CCND3: variants seen among roughly 807,000 people sequenced by gnomAD.
CCND3 encodes cyclin D3.
CCND3 carries 9 observed loss-of-function variants against 28.7 expected under a neutral mutation model. The observed-to-expected ratio is 0.31, with a 90% CI of 0.19 to 0.55. The LOEUF is 0.55. CCND3 is among the 20% of genes least tolerant of loss of function. The pLI, the probability that CCND3 is intolerant of heterozygous loss-of-function variation, is 0.93. For missense variants in CCND3, 315 were observed against 385.8 expected, an observed-to-expected ratio of 0.82 and a Z score of 1.54; for synonymous variants, 164 against 163.9, an observed-to-expected ratio of 1.00 and a Z score of 0.00.
intron 1 of CCND3, among the ~76,000 whole-genome samples, chr6:42,037,080 A>C (rs1394888319): frequency 6.6e-6 from 1 of 151,946 alleles, no homozygotes; most frequent in African/African-American, 2.4e-5. Context: ...CTGGGACTAA[A>C]GGTGCCCGCC....
chr6:41,962,555 C>T (rs975147052), intron 1 of CCND3, among the ~76,000 whole-genome samples: 24 of 152,096 alleles, frequency 1.6e-4, no homozygotes, highest in African/African-American at 5.6e-4. Context: ...AGTTTGAGAT[C>T]GGACTGCACA....
intron 1 of CCND3, among the ~76,000 whole-genome samples, chr6:41,977,959 G>A (rs1052033279): frequency 6.6e-6 from 1 of 152,090 alleles, no homozygotes; most frequent in African/African-American, 2.4e-5. Context: ...GGAGGCTGAG[G>A]TGGGAGGATC....
At chr6:42,034,336 C>T (rs531974625) in intron 1 of CCND3, among the ~76,000 whole-genome samples, 24 of 151,650 alleles carry the variant, frequency 1.6e-4, no homozygotes, top group African/African-American at 5.6e-4. Context: ...TTAGTAGAGA[C>T]AGGGTTTCGC....
intron 1 of CCND3, among the ~76,000 whole-genome samples, chr6:42,003,429 G>A (rs1257581652): frequency 6.7e-6 from 1 of 149,546 alleles, no homozygotes; most frequent in Admixed American, 6.7e-5. Flanking sequence ...GGAGGCTGAG[G>A]CAGGAGAATC....
chr6:41,961,743 C>T (rs1439004896), intron 1 of CCND3, among the ~76,000 whole-genome samples: 1 of 152,116 alleles, frequency 6.6e-6, no homozygotes, highest in Non-Finnish European at 1.5e-5. Flanking sequence ...GCTCTACCCT[C>T]CACCCCAAAC....
intron 1 of CCND3, among the ~76,000 whole-genome samples, chr6:41,986,225 T>G (rs1762476546): frequency 6.6e-6 from 1 of 152,028 alleles, no homozygotes; most frequent in African/African-American, 2.4e-5. Context: ...GCCTCCAGCT[T>G]TGTTCTTTTT....
intron 1 of CCND3, among the ~76,000 whole-genome samples, chr6:42,011,897 G>A (rs747956945): frequency 6.6e-6 from 1 of 152,156 alleles, no homozygotes; most frequent in African/African-American, 2.4e-5. Flanking sequence ...AAATGTCACA[G>A]GATCATCTCG....
rs548173222 is a variant in CCND3, at chr6:42,021,537, A to G, written c.-46+26964T>C. 1.6e-3 allele frequency among the ~76,000 whole-genome samples: 241 copies of G among 152,344 alleles called. 1 individual carries two copies. The highest frequency in any genetic ancestry group is 2.1e-3 in the Non-Finnish European group (140 of 68,024). On this transcript the variant is annotated intron_variant, in intron 1 of 4. Transcript: ENST00000372988. Reference sequence around the variant, plus strand: ...CCTGTCCTCAAAGAGCTCCTAGTCTAGTAAGGACAATAATAGGTGTTGTTA... The same window carrying G: ...CCTGTCCTCAAAGAGCTCCTAGTCTGGTAAGGACAATAATAGGTGTTGTTA...
Position 41,936,106 on chromosome 6 carries a change from T to C in CCND3, c.713A>G (p.Asp238Gly), listed in dbSNP as rs1357083007. 1.3e-6 allele frequency: 2 copies of C among 1,583,754 alleles called. No individual in the cohort carries two copies. Among genetic ancestry groups the C allele is most frequent in the African/African-American group, 1.4e-5 (1 of 74,062 alleles). Residue 238 changes from aspartate to glycine, a missense_variant and splice_region_variant, in exon 5 of 5, where the codon GAC (aspartate) becomes GGC (glycine). By Grantham distance (94) the Asp-to-Gly change is moderately conservative (BLOSUM62 -1). Coordinates refer to ENST00000372991, the MANE Select transcript of CCND3 (RefSeq NM_001760.5). The surrounding 1 kb of genome is among the most constrained non-coding windows in gnomAD (Gnocchi z 4.4). ...LLAGITGTEV[D>G]CLRACQEQIE... ...CTGCTCCTGACAGGCCCGCAGGCAG[T>C]CCTGGGAACATGGGAGAAGAGTGAG... is the stretch of plus-strand genomic sequence containing the variant.
intron 1 of CCND3, among the ~76,000 whole-genome samples, chr6:41,948,153 C>A (rs1489708735): frequency 6.6e-6 from 1 of 152,000 alleles, no homozygotes. Flanking sequence ...ATTTTTAATG[C>A]CAGCTCCCCA....
intron 1 of CCND3, among the ~76,000 whole-genome samples, chr6:42,046,065 C>T (rs367899133): frequency 2.6e-5 from 4 of 152,202 alleles, no homozygotes; most frequent in African/African-American, 7.2e-5. Context: ...TTCCCACCCT[C>T]GACTCCCAGC....
At chr6:41,959,032 C>T (rs1174475773) in intron 1 of CCND3, among the ~76,000 whole-genome samples, 2 of 152,072 alleles carry the variant, frequency 1.3e-5, no homozygotes, top group African/African-American at 2.4e-5. Flanking sequence ...GTCAGAGGAT[C>T]GGCCGGGCAC....
intron 1 of CCND3, among the ~76,000 whole-genome samples, chr6:41,981,006 C>T (rs1762330512): frequency 6.6e-6 from 1 of 151,962 alleles, no homozygotes; most frequent in African/African-American, 2.4e-5. Context: ...TTTCTTTCAG[C>T]ATTGTACTGG....
At chr6:42,021,692 C>T (rs1485348748) in intron 1 of CCND3, among the ~76,000 whole-genome samples, 9 of 152,018 alleles carry the variant, frequency 5.9e-5, no homozygotes. Context: ...AAAGGGCATT[C>T]CAGGAAGGGG....
At chr6:41,963,036 C>T (rs1178260321) in intron 1 of CCND3, among the ~76,000 whole-genome samples, 1 of 152,212 alleles carries the variant, frequency 6.6e-6, no homozygotes, top group Non-Finnish European at 1.5e-5. Context: ...CAGGCATGAG[C>T]CACCACGCCT....
rs1330875394 is a variant in CCND3, at chr6:42,048,299, G to A, written c.-46+202C>T. On this transcript the variant is annotated intron_variant, in intron 1 of 4. Coordinates refer to the CCND3 transcript ENST00000372988. This position sits in a 1 kb window ranked among gnomAD's most constrained non-coding sequence, Gnocchi z 4.7. ...GATGTGTGTACATACAGAGGGCTCAGGGCCTTTGGGGGTTTCTCTGCCCTT... is the reference window on the plus strand; with the variant it reads ...GATGTGTGTACATACAGAGGGCTCAAGGCCTTTGGGGGTTTCTCTGCCCTT... The A allele has an allele frequency of 6.3e-6, 2 of 317,128 alleles. No homozygotes were observed. Among genetic ancestry groups the A allele is most frequent in the Admixed American group, 4.7e-5 (1 of 21,452 alleles). The allele number at this position is 317,128 out of a possible 1,614,324, so 19.6% of individuals were successfully genotyped here.
intron 1 of CCND3, among the ~76,000 whole-genome samples, chr6:41,978,699 T>C (rs1023377166): frequency 2.6e-4 from 40 of 152,150 alleles, no homozygotes; most frequent in Non-Finnish European, 5.9e-5. Flanking sequence ...ATGAAAGCTA[T>C]GACTTGTGCC....
intron 1 of CCND3, among the ~76,000 whole-genome samples, chr6:41,946,901 A>G (rs1307492833): frequency 2.6e-5 from 4 of 151,542 alleles, no homozygotes; most frequent in South Asian, 2.1e-4. Flanking sequence ...CCTGGCCAAC[A>G]TGGCAAAACC....
At position 41,940,641 on chromosome 6, in the gene CCND3, G is replaced by T. The variant is rs376661912; in HGVS notation, c.199-56C>A. 23 of 1,238,906 alleles carry T rather than the reference G, an allele frequency of 1.9e-5. No homozygotes were observed. In the African/African-American group the frequency reaches 2.9e-4, roughly 16 times the overall value. 76.7% of individuals were successfully genotyped at this position (1,238,906 alleles called of 1,614,324 possible). A position where few individuals can be genotyped will look rare whatever the true frequency, so the allele number is the denominator to read the frequency against. ...CTGGAGCGTGGGGAACACAGCAGCG[G>T]GGGGGTGGGAGCGCTGAAGTGAGGT... is the stretch of plus-strand genomic sequence containing the variant. On this transcript the variant is annotated intron_variant, in intron 1 of 4. Coordinates refer to ENST00000372991, the MANE Select transcript of CCND3 (RefSeq NM_001760.5).
Sources: gnomAD v4.1 joint callset for allele counts (sites outside exome capture counted in the v4.1 genomes callset) on GRCh38, gnomAD v4.1.1 for gene constraint, Gnocchi (gnomAD v3.1) non-coding constraint, MANE v1.5 for transcripts, NCBI Gene and HGNC (gene_info 2026-07-23, HGNC 2026-07-21) for gene names.